Variants in DNAH12 observed in about 807,000 individuals in gnomAD.
DNAH12 encodes the protein axonemal beta dynein heavy chain 12.
In DNAH12, 285 loss-of-function variants were observed where a neutral mutation model predicts 371.5. The ratio of observed to expected loss-of-function variants is 0.77; its 90% CI spans 0.70 to 0.85. The LOEUF is 0.85. Ranked by LOEUF, DNAH12 falls within the 40% of genes least tolerant of loss-of-function variation. DNAH12 has a pLI of 0.00. For synonymous variants in DNAH12, 1,200 were observed against 1,213.0 expected, an observed-to-expected ratio of 0.99 and a Z score of 0.22; for missense variants, 3,611 against 3,689.4, an observed-to-expected ratio of 0.98 and a Z score of 0.55.
intron 57 of DNAH12, among the ~76,000 whole-genome samples, chr3:57,365,207 C>T (rs1434151735): frequency 6.6e-6 from 1 of 152,150 alleles, no homozygotes; most frequent in Non-Finnish European, 1.5e-5. Context: ...TGGAATCAAC[C>T]TAAGTGTCCA....
intron 65 of DNAH12, among the ~76,000 whole-genome samples, chr3:57,320,518 T>C (rs2153289294): frequency 1.3e-5 from 2 of 152,322 alleles, no homozygotes. Context: ...ATGATGATAG[T>C]TCAAATTATT....
intron 55 of DNAH12, among the ~76,000 whole-genome samples, chr3:57,369,315 TTATATA>T (rs1248965397): frequency 7.0e-6 from 1 of 143,298 alleles, no homozygotes; most frequent in African/African-American, 2.5e-5. Flanking sequence ...ATATTATAAA[TTATATA>T]TATTTAATAT....
intron 57 of DNAH12, among the ~76,000 whole-genome samples, 197 bp from the exon 58 acceptor site, chr3:57,363,983 G>A (rs978278885): frequency 3.9e-5 from 6 of 152,058 alleles, no homozygotes; most frequent in Middle Eastern, 3.2e-3. Context: ...CGTAAAATGT[G>A]GCAATAACAT....
chr3:57,365,560 C>T (rs942732281), intron 57 of DNAH12, among the ~76,000 whole-genome samples: 5 of 152,108 alleles, frequency 3.3e-5, no homozygotes, highest in Middle Eastern at 3.4e-3. Context: ...CCATGGCACA[C>T]GTTTACCTAT....
At chr3:57,331,080 C>T (rs183999912) in intron 62 of DNAH12, among the ~76,000 whole-genome samples, 8 of 152,118 alleles carry the variant, frequency 5.3e-5, no homozygotes, top group African/African-American at 9.7e-5. Flanking sequence ...TAAATCCTGG[C>T]GATACAGAGG....
At chr3:57,356,014 C>T (rs2062788751) in intron 59 of DNAH12, among the ~76,000 whole-genome samples, 1 of 152,066 alleles carries the variant, frequency 6.6e-6, no homozygotes, top group South Asian at 2.1e-4. Flanking sequence ...AGGCAATTAC[C>T]TCACGTTAAC....
chr3:57,481,582 T>G (rs2066743713), intron 13 of DNAH12, among the ~76,000 whole-genome samples: 1 of 152,118 alleles, frequency 6.6e-6, no homozygotes, highest in Non-Finnish European at 1.5e-5. Context: ...TTGAAGTTCA[T>G]ATGGAACCAA....
chr3:57,493,580 A>G (rs2067205894), intron 11 of DNAH12: 1 of 152,170 alleles, frequency 6.6e-6, no homozygotes, highest in Non-Finnish European at 1.5e-5. Context: ...AGTTTCATGA[A>G]CCCATAAAAA....
chr3:57,398,354 G>A (rs1244870391), intron 43 of DNAH12, among the ~76,000 whole-genome samples: 3 of 152,130 alleles, frequency 2.0e-5, no homozygotes, highest in East Asian at 1.9e-4. Context: ...GAGAGAGAAA[G>A]AGAGGACAGA....
intron 55 of DNAH12, among the ~76,000 whole-genome samples, chr3:57,373,746 C>T (rs1244384226): frequency 3.9e-5 from 6 of 152,254 alleles, no homozygotes; most frequent in African/African-American, 9.6e-5. Context: ...CAGAATGATC[C>T]CTGCTCTACC....
At chr3:57,525,035 T>C (rs1010578559) in intron 2 of DNAH12, among the ~76,000 whole-genome samples, 2 of 148,398 alleles carry the variant, frequency 1.3e-5, no homozygotes, top group African/African-American at 2.5e-5. Context: ...GAAAAAAGCA[T>C]ACAAGGGAAA....
chr3:57,537,219 A>G (rs1182164248), intron 2 of DNAH12, among the ~76,000 whole-genome samples: 1 of 152,122 alleles, frequency 6.6e-6, no homozygotes, highest in Non-Finnish European at 1.5e-5. Context: ...GGGGTGGCAA[A>G]AACATGAATA....
At chr3:57,547,112 T>C (rs1025503980), upstream of DNAH12, among the ~76,000 whole-genome samples, 2 of 152,122 alleles carry the variant, frequency 1.3e-5, no homozygotes, top group African/African-American at 4.8e-5. Flanking sequence ...TAGTCTGCCC[T>C]ACAGACCATG....
At chr3:57,502,509 T>C (rs1177572441) in intron 9 of DNAH12, 30 bp from the exon 10 acceptor site, 5 of 1,588,102 alleles carry the variant, frequency 3.1e-6, no homozygotes, top group South Asian at 1.1e-5. Flanking sequence ...TAACAATGTA[T>C]ACAATAAATA....
intron 63 of DNAH12, 87 bp downstream of exon 63, chr3:57,323,382 T>A (rs2061855639): frequency 2.0e-6 from 3 of 1,467,850 alleles, no homozygotes; most frequent in Admixed American, 5.4e-5. Context: ...TCAGATTTAC[T>A]AACTGATTTA....
chr3:57,438,934 G>GAAAAAAAAAAAAA (rs1559659768), intron 29 of DNAH12, among the ~76,000 whole-genome samples: 12 of 48,254 alleles, frequency 2.5e-4, no homozygotes, highest in African/African-American at 3.5e-4. Context: ...AAAAAAAAAG[G>GAAAAAAAAAAAAA]AAAGCAACTC....
At chr3:57,549,564 C>T in the DNAH12 span, among the ~76,000 whole-genome samples, 1 of 151,248 alleles carries the variant, frequency 6.6e-6, no homozygotes, top group Non-Finnish European at 1.5e-5. Context: ...CAATCTGTTT[C>T]TCTCTCTCTC....
At chr3:57,514,797 T>C (rs2068129710) in intron 4 of DNAH12, among the ~76,000 whole-genome samples, 1 of 152,244 alleles carries the variant, frequency 6.6e-6, no homozygotes, top group Non-Finnish European at 1.5e-5. Flanking sequence ...GCTGAAAATG[T>C]ATTAATAATT....
intron 29 of DNAH12, among the ~76,000 whole-genome samples, chr3:57,439,669 A>G (rs974846782): frequency 6.6e-6 from 1 of 152,216 alleles, no homozygotes; most frequent in Non-Finnish European, 1.5e-5. Flanking sequence ...AATCGCTACA[A>G]AAACAAAAAC....
Sources: allele counts gnomAD v4.1 joint callset (sites outside exome capture counted in the v4.1 genomes callset), GRCh38; gene constraint gnomAD v4.1.1; transcripts MANE v1.5; gene names NCBI Gene and HGNC (gene_info 2026-07-23, HGNC 2026-07-21).